CLTCL1: variants seen among roughly 807,000 people sequenced by gnomAD.
CLTCL1 encodes the protein clathrin heavy chain like 1.
A neutral mutation model predicts 190.0 loss-of-function variants in CLTCL1; 159 were observed. The ratio of observed to expected loss-of-function variants is 0.84; its 90% CI spans 0.74 to 0.95. The LOEUF (loss-of-function observed/expected upper bound fraction) is 0.95. CLTCL1 is among the 40% of genes least tolerant of loss of function. The pLI, the probability that CLTCL1 is intolerant of heterozygous loss-of-function variation, is 0.00. For missense variants in CLTCL1, 1,878 were observed against 2,033.4 expected, an observed-to-expected ratio of 0.92 and a Z score of 1.47; for synonymous variants, 752 against 769.6, an observed-to-expected ratio of 0.98 and a Z score of 0.38.
chr22:19,231,019 T>C (rs1466778457), intron 10 of CLTCL1, among the ~76,000 whole-genome samples: 2 of 152,028 alleles, frequency 1.3e-5, no homozygotes, highest in African/African-American at 4.8e-5. Context: ...TCCCCAGCCT[T>C]TGGACTCCAG....
rs568202121 is a variant in CLTCL1, at chr22:19,196,352, C to G, written c.4105G>C (p.Glu1369Gln). 2.7e-5 allele frequency: 43 copies of G among 1,614,048 alleles called. No individual in the cohort carries two copies. In the South Asian group the frequency reaches 4.0e-4, roughly 15 times the overall value. The change falls in exon 26 of 33, where the codon GAG becomes CAG. Residue 1369 changes from glutamate (E) to glutamine (Q), a missense_variant. Coordinates refer to ENST00000427926, the MANE Select transcript of CLTCL1 (RefSeq NM_007098.4). ...AELVFLYDKY[E>Q]EYDNAVLTMM... is the part of the protein sequence containing the mutation. ...GTGAGCACAGCATTGTCATACTCCTCGTACTTGTCATAGAGGAACACCAGC... is the reference window on the plus strand; with the variant it reads ...GTGAGCACAGCATTGTCATACTCCTGGTACTTGTCATAGAGGAACACCAGC...
At chr22:19,270,022 T>C (rs1555979796) in intron 2 of CLTCL1, among the ~76,000 whole-genome samples, 5 of 150,992 alleles carry the variant, frequency 3.3e-5, no homozygotes, top group Non-Finnish European at 7.4e-5. Flanking sequence ...TCAGTGAGCA[T>C]TGATAGCAGC....
chr22:19,258,170 G>T, intron 2 of CLTCL1: 1 of 355,100 alleles, frequency 2.8e-6, no homozygotes, highest in South Asian at 2.3e-5. Context: ...GAAGAACCAT[G>T]AAGAGGGAGT....
rs2084881162 is a variant in CLTCL1, at chr22:19,201,446, C to T, written c.3648G>A (p.Leu1216=). 6.2e-7 allele frequency: 1 copy of T among 1,613,770 alleles called. No individual in the cohort carries two copies. The highest frequency in any genetic ancestry group is 8.5e-7 in the Non-Finnish European group (1 of 1,179,804). ...CAAAGTTAGAAACATTGCTATAGAG[C>T]AGCTTGGCAGCCTCGTACATTCCCT... ...YEEGMYEAAK[L]LYSNVSNFAR... The change falls in exon 23 of 33, where the codon CTG becomes CTA. Residue 1216 remains leucine (L), a synonymous_variant. Transcript: ENST00000427926.
intron 3 of CLTCL1, among the ~76,000 whole-genome samples, chr22:19,244,768 C>T (rs1231101492): frequency 6.6e-6 from 1 of 152,228 alleles, no homozygotes; most frequent in African/African-American, 2.4e-5. Flanking sequence ...CTTCCCACCT[C>T]ATGGGGCTGC....
chr22:19,194,534 C>T (rs73394628), intron 26 of CLTCL1, among the ~76,000 whole-genome samples: 8 of 152,218 alleles, frequency 5.3e-5, no homozygotes, highest in African/African-American at 1.7e-4. Flanking sequence ...GCTGAGATTC[C>T]GCCACAAGCT....
chr22:19,188,392 A>T (rs2084383324), intron 27 of CLTCL1, among the ~76,000 whole-genome samples: 1 of 152,166 alleles, frequency 6.6e-6, no homozygotes, highest in Non-Finnish European at 1.5e-5. Context: ...ATTCATGTTT[A>T]CACTATGTTG....
chr22:19,242,970 A>G (rs2086302732), intron 3 of CLTCL1, 34 bp from the exon 4 acceptor site: 1 of 1,573,224 alleles, frequency 6.4e-7, no homozygotes. Flanking sequence ...AAAGGGAGAG[A>G]AAAGAGAGGA....
At chr22:19,225,894 T>C (rs1313166764) in intron 12 of CLTCL1, among the ~76,000 whole-genome samples, 1 of 152,208 alleles carries the variant, frequency 6.6e-6, no homozygotes, top group Non-Finnish European at 1.5e-5. Context: ...TGGAACACAA[T>C]AGCTAGTTTA....
Position 19,208,217 on chromosome 22 carries a change from T to C in CLTCL1, c.3537A>G (p.Lys1179=). The change falls in exon 22 of 33, where the codon AAA becomes AAG. Residue 1179 remains lysine, a synonymous_variant. Coordinates refer to ENST00000427926, the MANE Select transcript of CLTCL1 (RefSeq NM_007098.4). ...CTTCTAGCTCAGAAACACGGCTGGT[T>C]TTAGCCAAGGCAAAAATAAGTTCAG... ...IETELIFALA[K]TSRVSELEDF... 6.2e-7 allele frequency: 1 copy of C among 1,613,856 alleles called. No individual in the cohort carries two copies. Among genetic ancestry groups the C allele is most frequent in the African/African-American group, 1.3e-5 (1 of 75,032 alleles).
At chr22:19,200,338 G>A (rs1398846820) in intron 23 of CLTCL1, among the ~76,000 whole-genome samples, 1 of 152,176 alleles carries the variant, frequency 6.6e-6, no homozygotes, top group Non-Finnish European at 1.5e-5. Context: ...ATAAGCCAGT[G>A]TCATTAACTT....
chr22:19,226,317 A>G lies in CLTCL1; in HGVS notation c.1849T>C (p.Cys617Arg), dbSNP rs1555956048. The G allele has an allele frequency of 3.7e-6, 6 of 1,613,968 alleles. No individual in the cohort carries two copies. In the African/African-American group the frequency reaches 5.3e-5, roughly 14 times the overall value. Residue 617 changes from cysteine (C) to arginine (R), a missense_variant, in exon 12 of 33, where the codon TGT becomes CGT. Physicochemically the swap from Cys to Arg is radical, Grantham distance 180 (BLOSUM62 -3). Transcript: ENST00000427926. ...TGCTGCAGGAGGCCTGCCTTCTCAC[A>G]GAGCTGGGCAATGTGGGCCCGGTCG... ...HYDRAHIAQLCEKAGLLQQAL... is the reference protein window; with the variant it reads ...HYDRAHIAQLREKAGLLQQAL...
At chr22:19,258,382 T>C (rs1370967534) in intron 2 of CLTCL1, 4 of 411,646 alleles carry the variant, frequency 9.7e-6, no homozygotes, top group South Asian at 4.1e-5. Flanking sequence ...TCCACCGAGA[T>C]CAGAGCTGCT....
intron 24 of CLTCL1, 96 bp downstream of exon 24, chr22:19,199,638 T>C (rs2084817036): frequency 1.2e-6 from 1 of 844,742 alleles, no homozygotes; most frequent in Non-Finnish European, 1.8e-6. Context: ...GATGCAACAC[T>C]GTGATGGTCA....
chr22:19,277,761 G>A (rs776543137), intron 1 of CLTCL1, among the ~76,000 whole-genome samples: 2 of 152,118 alleles, frequency 1.3e-5, no homozygotes, highest in African/African-American at 2.4e-5. Flanking sequence ...GGTTTCTCCA[G>A]CAGACACCAC....
At position 19,196,614 on chromosome 22, in the gene CLTCL1, C is replaced by T. The variant is rs782407097; in HGVS notation, c.3916G>A (p.Ala1306Thr). 6 of 1,613,578 alleles carry T rather than the reference C, an allele frequency of 3.7e-6. No homozygotes were observed. Among genetic ancestry groups the T allele is most frequent in the Non-Finnish European group, 5.1e-6 (6 of 1,179,728 alleles). The part of the protein sequence containing the change: ...FEELILLLEA[A>T]LGLERAHMGM... ...ATGTGGGCCCGCTCCAGGCCCAGGG[C>T]CGCTTCCAACAGCAAGATCAGCTCC... Residue 1306 changes from alanine (A) to threonine (T), a missense_variant, in exon 25 of 33, where the codon GCC (alanine) becomes ACC (threonine). By Grantham distance (58) the Ala-to-Thr change is moderately conservative. Transcript: ENST00000427926.
At position 19,223,973 on chromosome 22, in the gene CLTCL1, T is replaced by G; in HGVS notation, c.2210A>C (p.Lys737Thr). The change falls in exon 14 of 33, where the codon AAG (lysine) becomes ACG (threonine). Residue 737 changes from lysine (K) to threonine (T), a missense_variant. Lys to Thr is a moderately conservative substitution (Grantham distance 78). Coordinates refer to ENST00000427926, the MANE Select transcript of CLTCL1 (RefSeq NM_007098.4). ...CTCCACCTCCTTGATCTGCCCTGTC[T>G]TACAGGCAGCCTGAATGTATTTCAG... ...VHLKYIQAACKTGQIKEVERI... is the reference protein window; with the variant it reads ...VHLKYIQAACTTGQIKEVERI... 1 of 1,614,010 alleles carries G rather than the reference T, an allele frequency of 6.2e-7. No homozygotes were observed. The highest frequency in any genetic ancestry group is 8.5e-7 in the Non-Finnish European group (1 of 1,179,894).
chr22:19,180,586 C>T (rs963385760), intron 31 of CLTCL1, 145 bp downstream of exon 31: 13 of 753,550 alleles, frequency 1.7e-5, no homozygotes, highest in Non-Finnish European at 2.6e-5. Flanking sequence ...GTACACTTCT[C>T]CACACCCAGT....
At chr22:19,221,722 T>C in intron 16 of CLTCL1, 111 bp from the exon 17 acceptor site, 1 of 1,076,498 alleles carries the variant, frequency 9.3e-7, no homozygotes, top group Non-Finnish European at 1.3e-6. Flanking sequence ...CAGAGTCCAT[T>C]GACTTCAGGT....
Sources: gnomAD v4.1 joint callset for allele counts (sites outside exome capture counted in the v4.1 genomes callset) on GRCh38, gnomAD v4.1.1 for gene constraint, MANE v1.5 for transcripts, NCBI Gene and HGNC (gene_info 2026-07-23, HGNC 2026-07-21) for gene names.